CLEC4F: variants seen among roughly 807,000 people sequenced by gnomAD.
CLEC4F encodes the protein C-type lectin domain family 4 member F, also known as C-type (calcium dependent, carbohydrate-recognition domain) lectin, superfamily member 13.
A neutral mutation model predicts 53.4 loss-of-function variants in CLEC4F; 45 were observed. The ratio of observed to expected loss-of-function variants is 0.84; its 90% CI spans 0.66 to 1.08. The LOEUF is 1.08. Among genes scored for constraint, CLEC4F ranks in the 50% least tolerant of loss-of-function variants. CLEC4F has a pLI of 0.00. For synonymous variants in CLEC4F, 245 were observed against 257.5 expected (o/e 0.95, Z 0.46); for missense variants, 753 against 698.2 (o/e 1.08, Z -0.88).
upstream of CLEC4F, among the ~76,000 whole-genome samples, chr2:70,821,191 G>A (rs1677206302): frequency 6.6e-6 from 1 of 152,124 alleles, no homozygotes; most frequent in African/African-American, 2.4e-5. Flanking sequence ...AAATATATCT[G>A]GTCTTCATCT....
At chr2:70,812,811 C>T (rs1676639954) in intron 4 of CLEC4F, among the ~76,000 whole-genome samples, 1 of 152,172 alleles carries the variant, frequency 6.6e-6, no homozygotes, top group African/African-American at 2.4e-5. Context: ...CTGGCTTGGG[C>T]ACTCCTGGGA....
chr2:70,811,944 G>T (rs1469655037), intron 5 of CLEC4F, among the ~76,000 whole-genome samples: 2 of 152,132 alleles, frequency 1.3e-5, no homozygotes, highest in Non-Finnish European at 2.9e-5. Context: ...CAGACATGGT[G>T]TCGTGCATCT....
chr2:70,816,197 T>A lies in CLEC4F; in HGVS notation c.1184A>T (p.Gln395Leu). 6.2e-7 allele frequency: 1 copy of A among 1,614,204 alleles called. No individual in the cohort carries two copies. The highest frequency in any genetic ancestry group is 8.5e-7 in the Non-Finnish European group (1 of 1,180,038). ...NASREIQTLK[Q>L]GMKNASALTS... ...TAAGGCTGAAGCATTCTTCATTCCTTGTTTTAGGGTCTGTATCTCTCTGCT... is the reference window on the plus strand; with the variant it reads ...TAAGGCTGAAGCATTCTTCATTCCTAGTTTTAGGGTCTGTATCTCTCTGCT... Residue 395 changes from glutamine to leucine, a missense_variant, in exon 4 of 7, where the codon CAA becomes CTA. Gln to Leu is a moderately radical substitution (Grantham distance 113, BLOSUM62 -2). Transcript: ENST00000272367.
At chr2:70,820,688 C>G, upstream of CLEC4F, 1 of 608,720 alleles carries the variant, frequency 1.6e-6, no homozygotes, top group Non-Finnish European at 2.8e-6. Flanking sequence ...CAGAAACCCG[C>G]CCCAGTGGGC....
At chr2:70,820,365 G>T in intron 1 of CLEC4F, 98 bp downstream of exon 1, 1 of 1,068,502 alleles carries the variant, frequency 9.4e-7, no homozygotes, top group Non-Finnish European at 1.4e-6. Flanking sequence ...GGTCTGGGGA[G>T]AGCAATAAGA....
chr2:70,809,985 T>C, intron 5 of CLEC4F, 128 bp from the exon 6 acceptor site: 2 of 675,298 alleles, frequency 3.0e-6, no homozygotes, highest in Non-Finnish European at 5.4e-6. Context: ...AACAGAATTT[T>C]AAAACACTTT....
chr2:70,813,539 TTTTC>T (rs70956987), intron 4 of CLEC4F, among the ~76,000 whole-genome samples: 8 of 133,274 alleles, frequency 6.0e-5, no homozygotes, highest in Admixed American at 2.2e-4. Flanking sequence ...TTCTTTCTTT[TTTTC>T]TTTCTTTCTT....
chr2:70,816,649 A>G lies in CLEC4F; in HGVS notation c.732T>C (p.Asn244=), dbSNP rs113852847. Reference sequence around the variant, plus strand: ...CAGCATTAGCGTTCTTTAAACTGCTATTGGCTAACTGAGCCTGGGTATTTG... The same window carrying G: ...CAGCATTAGCGTTCTTTAAACTGCTGTTGGCTAACTGAGCCTGGGTATTTG... ...ETANTQAQLA[N]SSLKNANAEI... Residue 244 remains asparagine, a synonymous_variant, in exon 4 of 7, where the codon AAT becomes AAC. Coordinates refer to ENST00000272367, the MANE Select transcript of CLEC4F (RefSeq NM_173535.3). 336 of 1,614,208 alleles carry G rather than the reference A, an allele frequency of 2.1e-4. 2 individuals carry two copies. The African/African-American group carries it at 3.5e-3, about 17-fold the overall frequency.
chr2:70,817,004 C>A lies in CLEC4F; in HGVS notation c.377G>T (p.Cys126Phe). The change falls in exon 4 of 7, where the codon TGC becomes TTC. Residue 126 changes from cysteine to phenylalanine, a missense_variant. Transcript: ENST00000272367. The stretch of plus-strand genomic sequence containing the variant: ...CTGCGAATTGACATTGTCCACTCTG[C>A]ACTTCAACATCTGGATTTCTACTAC... ...AWVVEIQMLK[C>F]RVDNVNSQLQ... The A allele has an allele frequency of 1.2e-6, 2 of 1,614,198 alleles. No homozygotes were observed. Among genetic ancestry groups the A allele is most frequent in the Non-Finnish European group, 1.7e-6 (2 of 1,180,044 alleles).
chr2:70,823,263 A>T (rs1285056931), upstream of CLEC4F, among the ~76,000 whole-genome samples: 1 of 152,176 alleles, frequency 6.6e-6, no homozygotes, highest in Non-Finnish European at 1.5e-5. Flanking sequence ...TGAAGGGTGA[A>T]GGCACCTATT....
At chr2:70,813,048 G>A (rs1449805944) in intron 4 of CLEC4F, among the ~76,000 whole-genome samples, 1 of 152,154 alleles carries the variant, frequency 6.6e-6, no homozygotes, top group Non-Finnish European at 1.5e-5. Context: ...TGGTCTGCCT[G>A]GCCTTCCATT....
chr2:70,811,420 C>T (rs1291562972), intron 5 of CLEC4F: 19 of 632,968 alleles, frequency 3.0e-5, no homozygotes, highest in Non-Finnish European at 5.1e-5. Flanking sequence ...ATATCCTGTG[C>T]CTTGGTGCCC....
Position 70,819,907 on chromosome 2 carries a change from C to T in CLEC4F, c.62-16G>A. On this transcript the variant is annotated splice_polypyrimidine_tract_variant and intron_variant, in intron 1 of 6. Coordinates refer to ENST00000272367, the MANE Select transcript of CLEC4F (RefSeq NM_173535.3). ...GAGTCCACCTCTGCAGGGGAGAAGG[C>T]AGTGTCCAAGGTGAGAGGGTGCTGT... 4 of 1,541,744 alleles carry T rather than the reference C, an allele frequency of 2.6e-6. No individual in the cohort carries two copies. The highest frequency in any genetic ancestry group is 2.6e-6 in the Non-Finnish European group (3 of 1,138,644).
chr2:70,814,838 C>CA (rs60330725), intron 4 of CLEC4F, among the ~76,000 whole-genome samples: 76,976 of 140,886 alleles, frequency 0.55, 21,361 homozygotes, highest in Non-Finnish European at 0.6. Flanking sequence ...ACACCCTCAC[C>CA]AAAAAAAAAA....
intron 5 of CLEC4F, among the ~76,000 whole-genome samples, chr2:70,810,099 C>T (rs1676466519): frequency 6.7e-6 from 1 of 149,898 alleles, no homozygotes; most frequent in Admixed American, 6.6e-5. Context: ...ATTTCTACTT[C>T]TTTAGTAAAT....
chr2:70,823,453 G>A (rs949124123), upstream of CLEC4F, among the ~76,000 whole-genome samples: 2 of 152,168 alleles, frequency 1.3e-5, no homozygotes, highest in Admixed American at 1.3e-4. Context: ...CACAGGAAGG[G>A]CCCAGGCTGG....
intron 5 of CLEC4F, chr2:70,811,010 G>A: frequency 3.3e-6 from 2 of 603,180 alleles, no homozygotes; most frequent in South Asian, 1.4e-5. Flanking sequence ...ACTGATTTTG[G>A]TGTCACTACA....
chr2:70,822,975 A>G (rs1294420642), upstream of CLEC4F, among the ~76,000 whole-genome samples: 1 of 152,238 alleles, frequency 6.6e-6, no homozygotes, highest in Admixed American at 6.5e-5. Context: ...AGGCCGGGCC[A>G]GGAGAACAGC....
Position 70,812,555 on chromosome 2 carries a change from A to G in CLEC4F, c.1431T>C (p.Gly477=), listed in dbSNP as rs1432882627. The stretch of plus-strand genomic sequence containing the variant: ...CACTAGAAAAATAATATAAGCTTCC[A>G]CCATTGAACTTCCAGCCTTGCAGGA... ...QMVLQGWKFN[G]GSLYYFSSVK... is the part of the protein sequence containing the mutation. The change falls in exon 5 of 7, where the codon GGT becomes GGC. Residue 477 remains glycine (G), a synonymous_variant. Transcript: ENST00000272367. 1.2e-6 allele frequency: 2 copies of G among 1,614,002 alleles called. No individual in the cohort carries two copies. The highest frequency in any genetic ancestry group is 1.3e-5 in the African/African-American group (1 of 74,902).
Sources: allele counts gnomAD v4.1 joint callset (sites outside exome capture counted in the v4.1 genomes callset), GRCh38; gene constraint gnomAD v4.1.1; transcripts MANE v1.5; gene names NCBI Gene and HGNC (gene_info 2026-07-23, HGNC 2026-07-21).